SAMD12: variants seen among roughly 807,000 people sequenced by gnomAD.
The protein encoded by SAMD12 is sterile alpha motif domain-containing protein 12.
Under a neutral mutation model 15.0 loss-of-function variants are expected in SAMD12, and 9 were observed. The ratio of observed to expected loss-of-function variants is 0.60; its 90% CI spans 0.36 to 1.05. The LOEUF is 1.05. SAMD12 is among the 50% of genes least tolerant of loss of function. The pLI is 0.01. For missense variants in SAMD12, 230 were observed against 234.2 expected, an observed-to-expected ratio of 0.98 and a Z score of 0.12; for synonymous variants, 86 against 90.1, an observed-to-expected ratio of 0.96 and a Z score of 0.25.
chr8:118,392,573 A>G (rs763938514), intron 3 of SAMD12, among the ~76,000 whole-genome samples: 1 of 152,238 alleles, frequency 6.6e-6, no homozygotes, highest in Non-Finnish European at 1.5e-5. Flanking sequence ...GAGCACCCGA[A>G]AGGGTGGGAT....
intron 2 of SAMD12, among the ~76,000 whole-genome samples, chr8:118,516,638 C>CTT (rs34734575): frequency 0.32 from 45,031 of 139,708 alleles, 8,418 homozygotes; most frequent in Non-Finnish European, 0.42. Flanking sequence ...TTCTTTCTTT[C>CTT]TTTTTTTTTT....
intron 1 of SAMD12, among the ~76,000 whole-genome samples, chr8:118,615,089 C>G (rs1301933261): frequency 6.6e-6 from 1 of 152,164 alleles, no homozygotes; most frequent in Admixed American, 6.5e-5. Context: ...TTAGGAGGCT[C>G]CCCATTCGTT....
intron 2 of SAMD12, among the ~76,000 whole-genome samples, chr8:118,474,065 T>A (rs927213327): frequency 1.3e-5 from 2 of 152,158 alleles, no homozygotes; most frequent in African/African-American, 4.8e-5. Flanking sequence ...TTCAAGTGAT[T>A]CTCCTGTCTC....
chr8:118,554,397 A>T (rs1254537833), intron 2 of SAMD12, among the ~76,000 whole-genome samples: 2 of 152,066 alleles, frequency 1.3e-5, no homozygotes, highest in African/African-American at 4.8e-5. Flanking sequence ...CATGGATGAA[A>T]TTGGAAATCA....
intron 2 of SAMD12, among the ~76,000 whole-genome samples, chr8:118,526,428 C>G (rs971387036): frequency 1.3e-5 from 2 of 152,064 alleles, no homozygotes; most frequent in African/African-American, 4.8e-5. Context: ...GGTTTCACCT[C>G]TATAAATTCT....
chr8:118,184,269 A>G, the SAMD12 span, among the ~76,000 whole-genome samples: 1 of 152,224 alleles, frequency 6.6e-6, no homozygotes, highest in Admixed American at 6.5e-5. Context: ...AGAGGAAAAC[A>G]AAGGCAGGGA....
chr8:118,519,032 T>C (rs1178224044), intron 2 of SAMD12, among the ~76,000 whole-genome samples: 2 of 152,112 alleles, frequency 1.3e-5, no homozygotes, highest in Non-Finnish European at 2.9e-5. Context: ...TGCACTTAAG[T>C]ATCAGCAGCA....
intron 4 of SAMD12, among the ~76,000 whole-genome samples, chr8:118,333,957 C>T (rs111664568): frequency 0.043 from 3,286 of 77,174 alleles, 184 homozygotes; most frequent in African/African-American, 0.15. Context: ...TGCACATTGG[C>T]GGGGGGCAGG....
At chr8:118,531,675 T>C (rs1364564894) in intron 2 of SAMD12, among the ~76,000 whole-genome samples, 6 of 152,198 alleles carry the variant, frequency 3.9e-5, no homozygotes, top group Admixed American at 3.9e-4. Flanking sequence ...AGGTATCTTA[T>C]TCTCTTTGAA....
the SAMD12 span, among the ~76,000 whole-genome samples, chr8:118,140,245 A>G: frequency 1.3e-5 from 2 of 152,130 alleles, no homozygotes; most frequent in Non-Finnish European, 2.9e-5. Flanking sequence ...TCACCTCAAT[A>G]TAACCTCCAG....
the SAMD12 span, among the ~76,000 whole-genome samples, chr8:118,141,694 G>A: frequency 6.6e-6 from 1 of 152,236 alleles, no homozygotes; most frequent in Non-Finnish European, 1.5e-5. Flanking sequence ...CTGACTCAGT[G>A]AGTAATAGAA....
intron 4 of SAMD12, among the ~76,000 whole-genome samples, chr8:118,352,180 T>C (rs1277832836): frequency 1.3e-5 from 2 of 152,340 alleles, no homozygotes; most frequent in East Asian, 3.9e-4. Context: ...GTTGAAGCAG[T>C]CATCCAACAA....
intron 4 of SAMD12, among the ~76,000 whole-genome samples, chr8:118,314,862 C>A (rs552481619): frequency 3.9e-5 from 6 of 152,106 alleles, no homozygotes; most frequent in Non-Finnish European, 8.8e-5. Context: ...ACAAATAAAG[C>A]GGCTATGAAC....
intron 4 of SAMD12, among the ~76,000 whole-genome samples, chr8:118,318,344 ATATATATATAT>A (rs1816048308): frequency 2.1e-5 from 3 of 139,648 alleles, no homozygotes; most frequent in African/African-American, 7.9e-5. Context: ...ATATATATAT[ATATATATATAT>A]ACATATATAC....
At chr8:118,294,824 T>C (rs964291780) in intron 4 of SAMD12, among the ~76,000 whole-genome samples, 5 of 152,128 alleles carry the variant, frequency 3.3e-5, no homozygotes, top group African/African-American at 1.2e-4. Context: ...TCTGCTTGGA[T>C]CTGGGTACAT....
chr8:118,594,036 G>A (rs1281641182), intron 1 of SAMD12, among the ~76,000 whole-genome samples: 1 of 152,110 alleles, frequency 6.6e-6, no homozygotes, highest in Non-Finnish European at 1.5e-5. Context: ...TTGCTTCTAT[G>A]TCACAAATCA....
At chr8:118,271,892 G>A (rs1270552947) in intron 4 of SAMD12, among the ~76,000 whole-genome samples, 2 of 152,148 alleles carry the variant, frequency 1.3e-5, no homozygotes, top group Admixed American at 6.5e-5. Context: ...CCCACTTCCT[G>A]GCTGCTTTCA....
chr8:118,352,466 A>T (rs772735111), intron 4 of SAMD12, among the ~76,000 whole-genome samples: 4 of 152,210 alleles, frequency 2.6e-5, no homozygotes, highest in Non-Finnish European at 5.9e-5. Flanking sequence ...TTCAGAAAAA[A>T]AAAAGAAGCC....
At chr8:118,363,492 T>A (rs1432468004) in intron 4 of SAMD12, among the ~76,000 whole-genome samples, 1 of 152,202 alleles carries the variant, frequency 6.6e-6, no homozygotes, top group East Asian at 1.9e-4. Flanking sequence ...TTTTTTTTCC[T>A]GTCTTTAGAC....
Sources: gnomAD v4.1 joint callset for allele counts (sites outside exome capture counted in the v4.1 genomes callset) on GRCh38, gnomAD v4.1.1 for gene constraint, MANE v1.5 for transcripts, NCBI Gene and HGNC (gene_info 2026-07-23, HGNC 2026-07-21) for gene names.